The following IFT80 variants were observed in gnomAD, a reference collection of about 807,000 sequenced individuals.
IFT80 encodes intraflagellar transport 80.
Under a neutral mutation model 107.9 loss-of-function variants are expected in IFT80, and 79 were observed. The observed-to-expected ratio is 0.73, with a 90% CI of 0.61 to 0.88. The LOEUF (loss-of-function observed/expected upper bound fraction) is 0.88, where lower values mean the gene tolerates loss of function less well. Among genes scored for constraint, IFT80 ranks in the 40% least tolerant of loss-of-function variants. The pLI is 0.00. For missense variants in IFT80, 797 were observed against 914.2 expected (o/e 0.87, Z 1.65); for synonymous variants, 299 against 300.9 (o/e 0.99, Z 0.07).
chr3:160,335,117 G>A (rs1719366945), intron 8 of IFT80, among the ~76,000 whole-genome samples: 1 of 150,196 alleles, frequency 6.7e-6, no homozygotes, highest in African/African-American at 2.4e-5. Flanking sequence ...TCTTACCCCA[G>A]GATCTCCTTT....
intron 12 of IFT80, among the ~76,000 whole-genome samples, chr3:160,297,832 C>T (rs1446345008): frequency 6.6e-6 from 1 of 151,998 alleles, no homozygotes; most frequent in Non-Finnish European, 1.5e-5. Context: ...TGGATGAACT[C>T]GTCTACTTTT....
At chr3:160,397,737 T>TTTTG (rs1350153504) in intron 1 of IFT80, among the ~76,000 whole-genome samples, 2 of 148,736 alleles carry the variant, frequency 1.3e-5, no homozygotes, top group Admixed American at 6.6e-5. Context: ...TTTTTTTTTT[T>TTTTG]TGAGACGCAG....
rs1447243459 is a variant in IFT80 at position 160,312,718 on chromosome 3, T to G, written c.958-4937A>C. Among the ~76,000 whole-genome samples the G allele has an allele frequency of 3.7e-3, 143 of 38,484 alleles. 2 individuals carry two copies. Among genetic ancestry groups the G allele is most frequent in the African/African-American group, 0.016 (123 of 7,796 alleles). The allele number at this position is 38,484 out of a possible 152,430, so 25.2% of individuals were successfully genotyped here. On this transcript the variant is annotated intron_variant, in intron 9 of 19. Coordinates refer to ENST00000326448, the MANE Select transcript of IFT80 (RefSeq NM_020800.3). Reference sequence around the variant, plus strand: ...ATATAAATATATAATATATAATATATATAATAAATATATATTATATATAAA... The same window carrying G: ...ATATAAATATATAATATATAATATAGATAATAAATATATATTATATATAAA...
intron 11 of IFT80, among the ~76,000 whole-genome samples, chr3:160,303,028 A>G (rs1311943331): frequency 6.6e-6 from 1 of 152,146 alleles, no homozygotes. Context: ...CCAGTCTCTA[A>G]CAGCCCACCA....
chr3:160,310,159 T>G (rs1192966400), intron 9 of IFT80, among the ~76,000 whole-genome samples: 1 of 152,170 alleles, frequency 6.6e-6, no homozygotes, highest in Admixed American at 6.5e-5. Flanking sequence ...AAGGCCCTCA[T>G]GGAAAAATGG....
At chr3:160,288,716 A>G (rs1715299015) in intron 12 of IFT80, among the ~76,000 whole-genome samples, 1 of 152,248 alleles carries the variant, frequency 6.6e-6, no homozygotes, top group Non-Finnish European at 1.5e-5. Flanking sequence ...GCCAACAAAC[A>G]TATGAACAAA....
rs375692165 is a variant in IFT80 at position 160,282,461 on chromosome 3, T to C, written c.1516+17A>G. The C allele has an allele frequency of 1.1e-5, 17 of 1,502,460 alleles. No individual in the cohort carries two copies. In the African/African-American group the frequency reaches 2.1e-4, roughly 18 times the overall value. 93.1% of individuals were successfully genotyped at this position (1,502,460 alleles called of 1,614,324 possible). Reference sequence around the variant, plus strand: ...AAGTTGACAATTAAAACTTAAAATGTATTAAAATTATTTTACCAAGCTTGA... The same window carrying C: ...AAGTTGACAATTAAAACTTAAAATGCATTAAAATTATTTTACCAAGCTTGA... On this transcript the variant is annotated intron_variant, in intron 14 of 19. Coordinates refer to ENST00000326448, the MANE Select transcript of IFT80 (RefSeq NM_020800.3).
At chr3:160,386,809 C>T (rs1203141329) in intron 1 of IFT80, among the ~76,000 whole-genome samples, 1 of 152,132 alleles carries the variant, frequency 6.6e-6, no homozygotes, top group African/African-American at 2.4e-5. Flanking sequence ...ATATGAAGGC[C>T]AGTATGCCTA....
rs556358690 is a variant in IFT80, at chr3:160,388,849, C to G, written c.-46-4203G>C. 1.3e-3 allele frequency among the ~76,000 whole-genome samples: 199 copies of G among 152,192 alleles called. 1 individual carries two copies. The highest frequency in any genetic ancestry group is 4.6e-3 in the African/African-American group (191 of 41,544). ...ACAGCAATGTGACATGAGAAAGACT[C>G]AACTGGCCATTGCTAGCTTTTAAGA... On this transcript the variant is annotated intron_variant, in intron 1 of 19. Transcript: ENST00000326448.
chr3:160,282,557 A>G lies in IFT80; in HGVS notation c.1437T>C (p.Ile479=). The change falls in exon 14 of 20, where the codon ATT becomes ATC. Residue 479 remains isoleucine, a synonymous_variant. Transcript: ENST00000326448. ...DQKGLTNDRK[I]AFIDKNRDLC... is the part of the protein sequence containing the mutation. The stretch of plus-strand genomic sequence containing the variant: ...GATCTCTATTTTTATCAATGAAAGC[A>G]ATTTTTCTATCATTGGTAAGTCCTT... 1.3e-6 allele frequency: 2 copies of G among 1,593,470 alleles called. No homozygotes were observed. The highest frequency in any genetic ancestry group is 1.7e-6 in the Non-Finnish European group (2 of 1,165,784).
Position 160,288,642 on chromosome 3 carries a change from G to GA in IFT80, c.1316-2775dup, listed in dbSNP as rs369839738. ...TATAAGGAACTTAACAAATTTACAA[G>GA]AAAAAAAACACTAAAAACTGGGCAA... On this transcript the variant is annotated intron_variant, in intron 12 of 19. Coordinates refer to ENST00000326448, the MANE Select transcript of IFT80 (RefSeq NM_020800.3). 6.6e-5 allele frequency among the ~76,000 whole-genome samples: 10 copies of GA among 151,100 alleles called. No individual in the cohort carries two copies. In the South Asian group the frequency reaches 8.4e-4, roughly 13 times the overall value.
chr3:160,396,002 C>T (rs912392870), intron 1 of IFT80, among the ~76,000 whole-genome samples: 5 of 152,062 alleles, frequency 3.3e-5, no homozygotes, highest in African/African-American at 1.2e-4. Context: ...AAAAACCTAA[C>T]CTATTTTTAG....
At chr3:160,317,330 A>G (rs930583867) in intron 9 of IFT80, among the ~76,000 whole-genome samples, 2 of 152,122 alleles carry the variant, frequency 1.3e-5, no homozygotes, top group African/African-American at 4.8e-5. Flanking sequence ...AAACTTTAAA[A>G]ATTTATAAAT....
intron 12 of IFT80, among the ~76,000 whole-genome samples, chr3:160,295,875 T>A (rs891705092): frequency 1.3e-5 from 2 of 152,216 alleles, no homozygotes; most frequent in South Asian, 4.1e-4. Context: ...ACGGACATTA[T>A]GCTAACTGAA....
intron 18 of IFT80, among the ~76,000 whole-genome samples, chr3:160,273,776 A>C (rs1174340777): frequency 1.3e-5 from 2 of 152,188 alleles, no homozygotes; most frequent in Non-Finnish European, 2.9e-5. Flanking sequence ...TAGATAGTGT[A>C]GTGTATAAAT....
At chr3:160,332,774 T>C (rs950152905) in intron 8 of IFT80, among the ~76,000 whole-genome samples, 4 of 152,214 alleles carry the variant, frequency 2.6e-5, no homozygotes, top group African/African-American at 9.6e-5. Flanking sequence ...GCAAAATGGG[T>C]AATCTTCTAA....
chr3:160,266,940 T>G (rs1163755764), intron 19 of IFT80, among the ~76,000 whole-genome samples: 2 of 152,036 alleles, frequency 1.3e-5, no homozygotes, highest in African/African-American at 4.8e-5. Context: ...TGAATCAGAG[T>G]GTAGCCCCAG....
intron 9 of IFT80, among the ~76,000 whole-genome samples, chr3:160,314,821 T>G (rs1228244254): frequency 1.3e-5 from 2 of 152,054 alleles, no homozygotes; most frequent in Non-Finnish European, 2.9e-5. Flanking sequence ...ACCAAGCAAC[T>G]ACTTTGTTGC....
Position 160,258,894 on chromosome 3 carries a change from T to C in IFT80, c.2224-259A>G, listed in dbSNP as rs558412240. ...GGTGGATTGCTTGAGTCTAGGAGTTTGACAACATCCTGGGCAACATGGCAA... is the reference window on the plus strand; with the variant it reads ...GGTGGATTGCTTGAGTCTAGGAGTTCGACAACATCCTGGGCAACATGGCAA... On this transcript the variant is annotated intron_variant, in intron 19 of 19. Coordinates refer to ENST00000326448, the MANE Select transcript of IFT80 (RefSeq NM_020800.3). Among the ~76,000 whole-genome samples, 8 of 152,102 alleles carry C rather than the reference T, an allele frequency of 5.3e-5. No individual in the cohort carries two copies. The South Asian group carries it at 1.7e-3, about 32-fold the overall frequency.
Sources: gnomAD v4.1 joint callset for allele counts (sites outside exome capture counted in the v4.1 genomes callset) on GRCh38, gnomAD v4.1.1 for gene constraint, MANE v1.5 for transcripts, NCBI Gene and HGNC (gene_info 2026-07-23, HGNC 2026-07-21) for gene names.